The following ABCB7 variants were observed in gnomAD, a reference collection of about 807,000 sequenced individuals.
ABCB7 encodes the protein iron-sulfur clusters transporter ABCB7, mitochondrial.
A neutral mutation model predicts 54.4 loss-of-function variants in ABCB7; 7 were observed. The ratio of observed to expected loss-of-function variants is 0.13; its 90% CI spans 0.07 to 0.24. ABCB7 has a LOEUF of 0.24. Among genes scored for constraint, ABCB7 ranks in the 10% least tolerant of loss-of-function variants. The pLI is 1.00. For synonymous variants in ABCB7, 218 were observed against 207.1 expected (o/e 1.05, Z -0.45); for missense variants, 356 against 570.4 (o/e 0.62, Z 3.83).
At chrX:75,104,059 T>TTG (rs2081666204) in intron 3 of ABCB7, among the ~76,000 whole-genome samples, 1 of 61,931 alleles carries the variant, frequency 1.6e-5, no homozygotes, top group Non-Finnish European at 2.9e-5. Context: ...TTTTTTTTTT[T>TTG]TTTTTTTTTT....
chrX:75,119,740 C>G (rs1264089606), intron 1 of ABCB7, among the ~76,000 whole-genome samples: 1 of 111,323 alleles, frequency 9.0e-6, no homozygotes, highest in Non-Finnish European at 1.9e-5. Flanking sequence ...TTATGTAAAA[C>G]TCCTATAAGC....
chrX:75,075,322 A>T (rs1322942856), intron 6 of ABCB7, 40 bp downstream of exon 6: 2 of 1,191,342 alleles, frequency 1.7e-6, no homozygotes, highest in Admixed American at 4.4e-5. Context: ...ACTAATGAGA[A>T]TTTAAGATAA....
At chrX:75,139,372 T>C (rs1350017643) in intron 1 of ABCB7, among the ~76,000 whole-genome samples, 1 of 112,075 alleles carries the variant, frequency 8.9e-6, no homozygotes, top group African/African-American at 3.2e-5. Flanking sequence ...TTTGCTGACA[T>C]GAGTTATCTT....
rs185190292 is a variant in ABCB7, at chrX:75,080,080, C to T, written c.454-3426G>A. 2.2e-4 allele frequency among the ~76,000 whole-genome samples: 25 copies of T among 111,952 alleles called. No individual in the cohort carries two copies. In the East Asian group the frequency reaches 6.4e-3, roughly 29 times the overall value. Reference sequence around the variant, plus strand: ...TCATTTGCTATTGCTAAGGATTATTCCATTGATGTACTAGAATTTATTCAA... The same window carrying T: ...TCATTTGCTATTGCTAAGGATTATTTCATTGATGTACTAGAATTTATTCAA... On this transcript the variant is annotated intron_variant, in intron 4 of 15. Transcript: ENST00000373394.
At chrX:75,074,538 A>G (rs1253365928) in intron 6 of ABCB7, among the ~76,000 whole-genome samples, 1 of 112,027 alleles carries the variant, frequency 8.9e-6, no homozygotes, top group Non-Finnish European at 1.9e-5. Flanking sequence ...ATTCTGCCAT[A>G]AAGACATACA....
intron 14 of ABCB7, among the ~76,000 whole-genome samples, chrX:75,062,107 A>G (rs939949599): frequency 1.8e-5 from 2 of 112,605 alleles, no homozygotes; most frequent in African/African-American, 6.5e-5. Context: ...AAAAGGAGAC[A>G]CATTTGCAAA....
intron 1 of ABCB7, among the ~76,000 whole-genome samples, chrX:75,118,091 T>C (rs1206403785): frequency 2.7e-5 from 3 of 112,313 alleles, no homozygotes; most frequent in Non-Finnish European, 5.6e-5. Context: ...TACCTTAAGA[T>C]AGAACATGGG....
At chrX:75,130,870 C>A (rs750403271) in intron 1 of ABCB7, among the ~76,000 whole-genome samples, 28 of 110,819 alleles carry the variant, frequency 2.5e-4, no homozygotes, top group South Asian at 1.1e-3. Flanking sequence ...TACATATTAA[C>A]AACTATTTAC....
At chrX:75,085,851 AT>A (rs111232342) in intron 4 of ABCB7, among the ~76,000 whole-genome samples, 11,348 of 103,367 alleles carry the variant, frequency 0.11, 1,620 homozygotes, top group African/African-American at 0.38. Context: ...AACTTTAAAT[AT>A]TTTTTTTTTT....
Position 75,052,889 on chromosome X carries a change from T to A in ABCB7, c.*481A>T. The A allele has an allele frequency of 8.6e-6, 1 of 116,660 alleles. No individual in the cohort carries two copies. Among genetic ancestry groups the A allele is most frequent in the Middle Eastern group, 4.5e-3 (1 of 224 alleles). The allele number at this position is 116,660 out of a possible 1,213,427, so 9.6% of individuals were successfully genotyped here. A position where few individuals can be genotyped will look rare whatever the true frequency, so the allele number is the denominator to read the frequency against. ...ATGCATGTCTATTTCTGATACATTC[T>A]AATTTTAAAAGTTTATAAATTCATT... On this transcript the variant is annotated 3_prime_UTR_variant, in exon 16 of 16. Transcript: ENST00000373394.
At chrX:75,121,117 C>T (rs960760301) in intron 1 of ABCB7, among the ~76,000 whole-genome samples, 12 of 108,862 alleles carry the variant, frequency 1.1e-4, no homozygotes, top group Non-Finnish European at 1.3e-4. Flanking sequence ...GACGAAACCC[C>T]GTCTCTAATA....
At chrX:75,056,215 T>C (rs145406443) in intron 15 of ABCB7, among the ~76,000 whole-genome samples, 1,980 of 111,717 alleles carry the variant, frequency 0.018, 48 homozygotes, top group African/African-American at 0.061. Flanking sequence ...AATAGCTTTA[T>C]ACCATATGGT....
At chrX:75,145,631 A>T (rs1420458111) in intron 1 of ABCB7, among the ~76,000 whole-genome samples, 2 of 112,149 alleles carry the variant, frequency 1.8e-5, no homozygotes, top group Non-Finnish European at 3.8e-5. Context: ...TCACAACATC[A>T]TACTGAATGA....
chrX:75,074,078 T>C (rs777613714), intron 6 of ABCB7, 122 bp from the exon 7 acceptor site: 9 of 557,412 alleles, frequency 1.6e-5, no homozygotes, highest in Middle Eastern at 6.9e-4. Flanking sequence ...CGTGAAGTTA[T>C]GTACGTGAAT....
rs1390992275 is a variant in ABCB7 at position 75,051,814 on chromosome X, T to C, written c.*1556A>G. The C allele has an allele frequency of 1.8e-5, 2 of 112,667 alleles. No individual in the cohort carries two copies. Among genetic ancestry groups the C allele is most frequent in the Non-Finnish European group, 3.8e-5 (2 of 53,287 alleles). 9.3% of individuals were successfully genotyped at this position (112,667 alleles called of 1,213,427 possible). A position where few individuals can be genotyped will look rare whatever the true frequency, so the allele number is the denominator to read the frequency against. On this transcript the variant is annotated 3_prime_UTR_variant, in exon 16 of 16. Coordinates refer to ENST00000373394, the MANE Select transcript of ABCB7 (RefSeq NM_001271696.3). ...TAATATTTTTTAAATGGACACTGAT[T>C]TATACACGTGTGAGCATGTGCATAC...
chrX:75,089,493 C>G (rs1332975455), intron 4 of ABCB7, among the ~76,000 whole-genome samples: 1 of 110,585 alleles, frequency 9.0e-6, no homozygotes, highest in East Asian at 2.8e-4. Context: ...TGGAATTAGA[C>G]TGCCTATAAA....
intron 3 of ABCB7, among the ~76,000 whole-genome samples, chrX:75,104,942 C>A (rs575368559): frequency 2.7e-5 from 3 of 111,662 alleles, no homozygotes; most frequent in African/African-American, 9.7e-5. Context: ...AAAACAAAAA[C>A]CATATGATCA....
chrX:75,060,072 T>C, intron 15 of ABCB7, 151 bp downstream of exon 15: 1 of 474,472 alleles, frequency 2.1e-6, no homozygotes. Context: ...GGAAGTGACA[T>C]GCATTATTTC....
chrX:75,103,299 G>A (rs781646635), intron 3 of ABCB7, among the ~76,000 whole-genome samples: 1 of 111,336 alleles, frequency 9.0e-6, no homozygotes, highest in South Asian at 3.8e-4. Context: ...TTTGTACATG[G>A]TGAGAGACAG....
Sources: allele counts gnomAD v4.1 joint callset (sites outside exome capture counted in the v4.1 genomes callset), GRCh38; gene constraint gnomAD v4.1.1; transcripts MANE v1.5; gene names NCBI Gene and HGNC (gene_info 2026-07-23, HGNC 2026-07-21).